Variants in SYNJ2 observed in about 807,000 individuals in gnomAD.
SYNJ2 encodes the protein polyphosphatidylinositol phosphatase SYNJ2.
Under a neutral mutation model 141.3 loss-of-function variants are expected in SYNJ2, and 116 were observed. That is an observed-to-expected ratio of 0.82 (90% CI 0.71 to 0.96). The LOEUF is 0.96. Among genes scored for constraint, SYNJ2 ranks in the 40% least tolerant of loss-of-function variants. The pLI, the probability that SYNJ2 is intolerant of heterozygous loss-of-function variation, is 0.00. For synonymous variants in SYNJ2, 745 were observed against 777.7 expected, an observed-to-expected ratio of 0.96 and a Z score of 0.70; for missense variants, 1,873 against 1,934.8, an observed-to-expected ratio of 0.97 and a Z score of 0.60.
intron 1 of SYNJ2, among the ~76,000 whole-genome samples, chr6:158,011,073 G>A (rs1161369977): frequency 8.6e-5 from 13 of 151,832 alleles, no homozygotes; most frequent in African/African-American, 1.9e-4. Context: ...GGGGGGACAC[G>A]TGAGGAGAGG....
intron 3 of SYNJ2, among the ~76,000 whole-genome samples, chr6:158,032,224 G>A (rs950218497): frequency 9.9e-5 from 15 of 152,120 alleles, no homozygotes; most frequent in African/African-American, 2.4e-4. Context: ...GGTCACAGTC[G>A]GGGAGGCTGG....
intron 17 of SYNJ2, 45 bp from the exon 18 acceptor site, chr6:158,078,119 G>C (rs1562391204): frequency 7.8e-7 from 1 of 1,284,742 alleles, no homozygotes; most frequent in Non-Finnish European, 1.1e-6. Context: ...CTTGGATATT[G>C]ACTCGATTCT....
chr6:158,047,900 G>A (rs1244310994), intron 5 of SYNJ2, among the ~76,000 whole-genome samples: 1 of 150,994 alleles, frequency 6.6e-6, no homozygotes, highest in Non-Finnish European at 1.5e-5. Context: ...AAAACCAATG[G>A]TGGCATCCGG....
intron 4 of SYNJ2, among the ~76,000 whole-genome samples, chr6:158,037,395 C>CTTT (rs869141011): frequency 1.2e-3 from 130 of 109,052 alleles, no homozygotes; most frequent in African/African-American, 2.3e-3. Flanking sequence ...TTGTCCTCAT[C>CTTT]TTTTTTTTTT....
intron 23 of SYNJ2, among the ~76,000 whole-genome samples, chr6:158,087,220 C>T (rs1446174375): frequency 2.0e-5 from 3 of 152,216 alleles, no homozygotes; most frequent in Non-Finnish European, 4.4e-5. Context: ...GCTGTTCACC[C>T]TGGAGCTGTG....
intron 5 of SYNJ2, among the ~76,000 whole-genome samples, chr6:158,051,335 T>C (rs1450937665): frequency 1.3e-5 from 2 of 151,934 alleles, no homozygotes; most frequent in Non-Finnish European, 2.9e-5. Context: ...TGGTGACCTC[T>C]CATAGGGTGG....
At chr6:158,078,369 A>C in intron 18 of SYNJ2, 88 bp downstream of exon 18, 1 of 847,780 alleles carries the variant, frequency 1.2e-6, no homozygotes. Context: ...TGTCCCCATA[A>C]GGATGTGTGT....
intron 23 of SYNJ2, among the ~76,000 whole-genome samples, chr6:158,087,495 C>G (rs960562887): frequency 6.6e-6 from 1 of 152,192 alleles, no homozygotes; most frequent in Admixed American, 6.5e-5. Context: ...TCTGGTTGTT[C>G]GAACAATGCT....
chr6:158,084,120 C>T lies in SYNJ2; in HGVS notation c.3154C>T (p.Pro1052Ser), dbSNP rs757369036. The T allele has an allele frequency of 1.2e-6, 2 of 1,613,986 alleles. No homozygotes were observed. Among genetic ancestry groups the T allele is most frequent in the African/African-American group, 1.3e-5 (1 of 74,920 alleles). Residue 1052 changes from proline to serine, a missense_variant, in exon 22 of 27, where the codon CCT becomes TCT. By Grantham distance (74) the Pro-to-Ser change is moderately conservative (BLOSUM62 -1). Coordinates refer to ENST00000355585, the MANE Select transcript of SYNJ2 (RefSeq NM_003898.4). This position sits in a 1 kb window ranked among gnomAD's most constrained non-coding sequence, Gnocchi z 5.0. The stretch of plus-strand genomic sequence containing the variant: ...TGTCCCCGGCCCCACAGCACTGGCT[C>T]CTCCCAGCAAGTCACCTGCTCTCAC... Reference protein sequence around the residue: ...SDVPGPTALAPPSKSPALTKK... With the variant: ...SDVPGPTALASPSKSPALTKK...
chr6:158,081,830 C>A lies in SYNJ2; in HGVS notation c.2865+320C>A, dbSNP rs1036597293. Reference sequence around the variant, plus strand: ...TAGAGAGAGGATCTCACTCTGTAGCCCCGGCTGGAGTGCATTGGGACAGTT... The same window carrying A: ...TAGAGAGAGGATCTCACTCTGTAGCACCGGCTGGAGTGCATTGGGACAGTT... On this transcript the variant is annotated intron_variant, in intron 20 of 26. Transcript: ENST00000355585. 2.6e-4 allele frequency among the ~76,000 whole-genome samples: 40 copies of A among 151,880 alleles called. 1 individual carries two copies. The highest frequency in any genetic ancestry group is 8.5e-4 in the African/African-American group (35 of 41,384).
chr6:158,081,384 A>C (rs1782670634), intron 19 of SYNJ2, 48 bp from the exon 20 acceptor site: 1 of 1,612,666 alleles, frequency 6.2e-7, no homozygotes, highest in Non-Finnish European at 8.5e-7. Flanking sequence ...GATCCGTGAG[A>C]GCTGCCAGGT....
chr6:158,022,324 A>C (rs1042448525), intron 2 of SYNJ2, among the ~76,000 whole-genome samples: 2 of 152,194 alleles, frequency 1.3e-5, no homozygotes, highest in Admixed American at 6.5e-5. Flanking sequence ...CAACACAAGG[A>C]AATGCCAGCC....
In SYNJ2 at chr6:158,091,427, AT is replaced by A. The variant is rs139854577; in HGVS notation, c.3565+1481del. Among the ~76,000 whole-genome samples the A allele has an allele frequency of 3.0e-3, 456 of 151,472 alleles. 1 individual carries two copies. Among genetic ancestry groups the A allele is most frequent in the African/African-American group, 0.011 (441 of 41,280 alleles). On this transcript the variant is annotated intron_variant, in intron 25 of 26. Coordinates refer to ENST00000355585, the MANE Select transcript of SYNJ2 (RefSeq NM_003898.4). ...AAATGTGGTCCATCAATACAATGGA[AT>A]ATTGTTCAGCCATTAAAAAAAAAAA...
At chr6:158,066,684 GACATGT>G in intron 12 of SYNJ2, 49 bp downstream of exon 12, 1 of 1,593,260 alleles carries the variant, frequency 6.3e-7, no homozygotes, top group Non-Finnish European at 8.5e-7. Context: ...CACCTAACCT[GACATGT>G]CACGCTTGAC....
At chr6:158,082,651 C>A (rs928534064) in intron 20 of SYNJ2, among the ~76,000 whole-genome samples, 1 of 152,114 alleles carries the variant, frequency 6.6e-6, no homozygotes, top group Admixed American at 6.5e-5. Flanking sequence ...GACAGCGAGA[C>A]CCTGTCTCAA....
At chr6:158,014,879 G>A (rs1260156340) in intron 1 of SYNJ2, among the ~76,000 whole-genome samples, 1 of 152,232 alleles carries the variant, frequency 6.6e-6, no homozygotes, top group East Asian at 1.9e-4. Context: ...GGTAGGAAGA[G>A]CTTCAGAGGG....
chr6:158,007,064 C>T (rs981490878), intron 1 of SYNJ2, among the ~76,000 whole-genome samples: 8 of 152,084 alleles, frequency 5.3e-5, no homozygotes, highest in Admixed American at 4.6e-4. Flanking sequence ...CTCCCAGGTT[C>T]AGATGATCCT....
intron 4 of SYNJ2, among the ~76,000 whole-genome samples, chr6:158,038,452 G>A (rs903749392): frequency 2.0e-5 from 3 of 152,186 alleles, no homozygotes; most frequent in Non-Finnish European, 2.9e-5. Flanking sequence ...GATGCGTAGC[G>A]GGGCCCCAGG....
At chr6:158,007,390 C>G (rs1211136451) in intron 1 of SYNJ2, among the ~76,000 whole-genome samples, 2 of 152,202 alleles carry the variant, frequency 1.3e-5, no homozygotes, top group African/African-American at 4.8e-5. Flanking sequence ...GCAACAGAGC[C>G]ACGGCATGTC....
Sources: allele counts gnomAD v4.1 joint callset (sites outside exome capture counted in the v4.1 genomes callset), GRCh38; gene constraint gnomAD v4.1.1; non-coding constraint Gnocchi (gnomAD v3.1); transcripts MANE v1.5; gene names NCBI Gene and HGNC (gene_info 2026-07-23, HGNC 2026-07-21).